PBX3: variants seen among roughly 807,000 people sequenced by gnomAD.
PBX3 encodes the protein PBX homeobox 3.
PBX3 carries 14 observed loss-of-function variants against 48.5 expected under a neutral mutation model. That is an observed-to-expected ratio of 0.29 (90% CI 0.19 to 0.45). The LOEUF (loss-of-function observed/expected upper bound fraction) is 0.45. Among genes scored for constraint, PBX3 ranks in the 20% least tolerant of loss-of-function variants. PBX3 has a pLI of 1.00. For synonymous variants in PBX3, 210 were observed against 200.3 expected (o/e 1.05, Z -0.41); for missense variants, 386 against 546.7 (o/e 0.71, Z 2.93).
In PBX3 at chr9:125,929,828, A is replaced by G. The variant is rs1841675739; in HGVS notation, c.690A>G (p.Ser230=). The G allele has an allele frequency of 6.2e-7, 1 of 1,613,588 alleles. No individual in the cohort carries two copies. The highest frequency in any genetic ancestry group is 8.5e-7 in the Non-Finnish European group (1 of 1,179,702). The change falls in exon 4 of 9, where the codon TCA becomes TCG. Residue 230 remains serine, a synonymous_variant. Coordinates refer to ENST00000373489, the MANE Select transcript of PBX3 (RefSeq NM_006195.6). ...GTGAAGCAGTTATGATTTTAAGATC[A>G]AGGTTCCTTGATGCCAGGTATGTGA... ...STCEAVMILR[S]RFLDARRKRR...
chr9:125,858,621 C>CTTT (rs1404234354), intron 2 of PBX3, among the ~76,000 whole-genome samples: 3 of 78,866 alleles, frequency 3.8e-5, no homozygotes, highest in African/African-American at 8.2e-5. Context: ...GACTTTGGTC[C>CTTT]ATTTTTTTTT....
At chr9:125,887,190 A>G (rs997331823) in intron 2 of PBX3, among the ~76,000 whole-genome samples, 1 of 152,290 alleles carries the variant, frequency 6.6e-6, no homozygotes, top group South Asian at 2.1e-4. Flanking sequence ...TCTTTATAAT[A>G]TAAATATATA....
At chr9:125,814,709 G>T (rs924543444) in intron 2 of PBX3, among the ~76,000 whole-genome samples, 1 of 152,172 alleles carries the variant, frequency 6.6e-6, no homozygotes, top group African/African-American at 2.4e-5. Flanking sequence ...TATTCTTAGA[G>T]CTGTATTGGC....
intron 2 of PBX3, among the ~76,000 whole-genome samples, chr9:125,887,945 G>A (rs1840539425): frequency 6.6e-6 from 1 of 152,124 alleles, no homozygotes; most frequent in Non-Finnish European, 1.5e-5. Flanking sequence ...ATCAGCTTGT[G>A]AATTCTCATT....
At chr9:125,779,068 T>A (rs1467210626) in intron 2 of PBX3, among the ~76,000 whole-genome samples, 1 of 133,936 alleles carries the variant, frequency 7.5e-6, no homozygotes, top group Non-Finnish European at 1.6e-5. Flanking sequence ...CATTAAGCAA[T>A]AACCTCCCAT....
intron 2 of PBX3, among the ~76,000 whole-genome samples, chr9:125,760,358 A>T (rs1215382202): frequency 6.6e-6 from 1 of 151,684 alleles, no homozygotes; most frequent in Admixed American, 6.6e-5. Context: ...TTTGTGCTTC[A>T]TAGGTTCATT....
At chr9:125,909,678 C>T (rs1841158528) in intron 2 of PBX3, among the ~76,000 whole-genome samples, 1 of 152,060 alleles carries the variant, frequency 6.6e-6, no homozygotes, top group South Asian at 2.1e-4. Context: ...GAGTCATAGC[C>T]TAGGGAATTA....
chr9:125,914,977 A>C (rs1023107720), intron 2 of PBX3, among the ~76,000 whole-genome samples: 33 of 152,216 alleles, frequency 2.2e-4, no homozygotes, highest in Admixed American at 1.2e-3. Context: ...GCAAAATTAG[A>C]TTGAGACTAC....
At chr9:125,787,927 A>G (rs1837500557) in intron 2 of PBX3, among the ~76,000 whole-genome samples, 1 of 152,298 alleles carries the variant, frequency 6.6e-6, no homozygotes, top group Admixed American at 6.5e-5. Flanking sequence ...GCTAAAGGTC[A>G]TTGGTGATTT....
chr9:125,748,317 G>A, intron 1 of PBX3: 1 of 1,200,576 alleles, frequency 8.3e-7, no homozygotes. Flanking sequence ...CAGTGGCCGA[G>A]GCTGCTGCCT....
intron 5 of PBX3, among the ~76,000 whole-genome samples, chr9:125,960,251 TTC>T (rs1842397453): frequency 6.6e-6 from 1 of 152,204 alleles, no homozygotes; most frequent in South Asian, 2.1e-4. Context: ...CCAAACATGA[TTC>T]TACTATACAG....
At chr9:125,835,035 A>ATGGGC in intron 2 of PBX3, among the ~76,000 whole-genome samples, 1 of 148,482 alleles carries the variant, frequency 6.7e-6, no homozygotes, top group African/African-American at 2.5e-5. Flanking sequence ...AAAAAAAAAA[A>ATGGGC]AAAAAAAAAA....
chr9:125,875,883 A>G (rs1840236329), intron 2 of PBX3, among the ~76,000 whole-genome samples: 1 of 152,222 alleles, frequency 6.6e-6, no homozygotes, highest in African/African-American at 2.4e-5. Context: ...AGAAACAAGA[A>G]GATGCATGCT....
At chr9:125,958,209 C>T (rs1842350007) in intron 5 of PBX3, among the ~76,000 whole-genome samples, 1 of 87,190 alleles carries the variant, frequency 1.1e-5, no homozygotes, top group African/African-American at 3.0e-5. Context: ...TGTCCCTCTC[C>T]ACTGACCCCA....
intron 2 of PBX3, among the ~76,000 whole-genome samples, chr9:125,889,052 C>G (rs1357625127): frequency 6.6e-6 from 1 of 152,210 alleles, no homozygotes; most frequent in Admixed American, 6.5e-5. Flanking sequence ...AGGGAAAAGT[C>G]AGTGACCACG....
intron 5 of PBX3, chr9:125,949,536 A>T: frequency 7.0e-7 from 1 of 1,418,984 alleles, no homozygotes. Flanking sequence ...GTGTATATAT[A>T]TATATAGTAT....
Position 125,928,424 on chromosome 9 carries a change from T to G in PBX3, c.517-1231T>G, listed in dbSNP as rs530175805. ...TGTGTGTGTGTGTGTGTGTGTGTGT[T>G]TTTGTGTATGTACTGAAAGAGACAA... On this transcript the variant is annotated intron_variant, in intron 3 of 8. Transcript: ENST00000373489. Among the ~76,000 whole-genome samples the G allele has an allele frequency of 8.1e-3, 1,017 of 125,246 alleles. 8 individuals carry two copies. The highest frequency in any genetic ancestry group is 0.038 in the African/African-American group (904 of 23,548). The allele number at this position is 125,246 out of a possible 152,430, so 82.2% of individuals were successfully genotyped here.
chr9:125,851,870 CTTT>C (rs1164910184), intron 2 of PBX3, among the ~76,000 whole-genome samples: 14 of 121,446 alleles, frequency 1.2e-4, no homozygotes, highest in Non-Finnish European at 1.8e-4. Flanking sequence ...ATTTTTGCTG[CTTT>C]TTTTTTTTTT....
intron 2 of PBX3, among the ~76,000 whole-genome samples, chr9:125,873,396 A>G (rs1840174469): frequency 6.6e-6 from 1 of 152,194 alleles, no homozygotes; most frequent in Admixed American, 6.5e-5. Flanking sequence ...ACTATAGAAT[A>G]TGCATTTTTT....
Sources: gnomAD v4.1 joint callset for allele counts (sites outside exome capture counted in the v4.1 genomes callset) on GRCh38, gnomAD v4.1.1 for gene constraint, MANE v1.5 for transcripts, NCBI Gene and HGNC (gene_info 2026-07-23, HGNC 2026-07-21) for gene names.